The following CACNA1S variants were observed in gnomAD, a reference collection of about 807,000 sequenced individuals.
The protein encoded by CACNA1S is voltage-dependent L-type calcium channel subunit alpha-1S.
Under a neutral mutation model 207.4 loss-of-function variants are expected in CACNA1S, and 126 were observed. The observed-to-expected ratio is 0.61, with a 90% CI of 0.53 to 0.70. The LOEUF (loss-of-function observed/expected upper bound fraction) is 0.70, where lower values mean the gene tolerates loss of function less well. CACNA1S is among the 30% of genes least tolerant of loss of function. CACNA1S has a pLI of 0.00. For missense variants in CACNA1S, 2,349 were observed against 2,422.8 expected (o/e 0.97, Z 0.64); for synonymous variants, 960 against 932.7 (o/e 1.03, Z -0.53).
chr1:201,052,773 C>A, intron 31 of CACNA1S, 125 bp from the exon 32 acceptor site: 2 of 794,038 alleles, frequency 2.5e-6, no homozygotes, highest in Non-Finnish European at 4.4e-6. Context: ...CCCTTCATTG[C>A]GGGCCACATC....
chr1:201,102,955 A>G (rs1425201963), intron 2 of CACNA1S, among the ~76,000 whole-genome samples: 2 of 152,186 alleles, frequency 1.3e-5, no homozygotes, highest in African/African-American at 4.8e-5. Context: ...GAAGGGAATG[A>G]ACATTTATTG....
intron 10 of CACNA1S, among the ~76,000 whole-genome samples, chr1:201,078,677 A>G (rs533597175): frequency 6.6e-6 from 1 of 152,212 alleles, no homozygotes; most frequent in South Asian, 2.1e-4. Context: ...CCCTCCTGGT[A>G]GAGAAGGGTC....
chr1:201,110,618 A>C (rs144528856), intron 1 of CACNA1S, among the ~76,000 whole-genome samples: 2 of 152,216 alleles, frequency 1.3e-5, no homozygotes, highest in East Asian at 1.9e-4. Context: ...CCTGCTCCCA[A>C]GGAGCCATGA....
rs1419080554 is a variant in CACNA1S at position 201,084,954 on chromosome 1, A to G, written c.1228T>C (p.Phe410Leu). The change falls in exon 9 of 44, where the codon TTC becomes CTC. Residue 410 changes from phenylalanine to leucine, a missense_variant. Transcript: ENST00000362061. ...EIAGLNKIIQ[F>L]IRHWRQWNRI... is the part of the protein sequence containing the mutation. ...GGGCAGTGGGCAGATACTCACATGAACTGGATGATTTTGTTCAAGCCTGCA... is the reference window on the plus strand; with the variant it reads ...GGGCAGTGGGCAGATACTCACATGAGCTGGATGATTTTGTTCAAGCCTGCA... 1.9e-6 allele frequency: 3 copies of G among 1,611,220 alleles called. No homozygotes were observed. Among genetic ancestry groups the G allele is most frequent in the Admixed American group, 3.3e-5 (2 of 60,024 alleles).
chr1:201,052,519 T>C (rs758222023), intron 32 of CACNA1S, 38 bp downstream of exon 32: 1 of 1,506,472 alleles, frequency 6.6e-7, no homozygotes, highest in South Asian at 1.1e-5. Flanking sequence ...GCTGGACTGG[T>C]CAGCGGGGTA....
intron 40 of CACNA1S, chr1:201,041,801 C>T: frequency 1.6e-6 from 1 of 630,016 alleles, no homozygotes; most frequent in Non-Finnish European, 2.9e-6. Context: ...CCTGACTCCA[C>T]TCCTTTGCTC....
chr1:201,057,505 A>G (rs987660998), intron 28 of CACNA1S, among the ~76,000 whole-genome samples: 1 of 152,186 alleles, frequency 6.6e-6, no homozygotes, highest in African/African-American at 2.4e-5. Context: ...TTTGTTCCAC[A>G]ATTTTGTTCA....
At position 201,062,580 on chromosome 1, in the gene CACNA1S, G is replaced by T. The variant is rs966997855; in HGVS notation, c.2854-66C>A. The T allele has an allele frequency of 4.1e-6, 6 of 1,476,518 alleles. No homozygotes were observed. In the Admixed American group the frequency reaches 8.5e-5, roughly 21 times the overall value. The allele number at this position is 1,476,518 out of a possible 1,614,324, so 91.5% of individuals were successfully genotyped here. The stretch of plus-strand genomic sequence containing the variant: ...TCATGGAAACAGGATAGAAAAGTGG[G>T]CTCTGGGAGTGAACAGTGGAAGGGG... On this transcript the variant is annotated intron_variant, in intron 22 of 43. Coordinates refer to ENST00000362061, the MANE Select transcript of CACNA1S (RefSeq NM_000069.3).
chr1:201,103,071 C>G (rs953880258), intron 2 of CACNA1S, among the ~76,000 whole-genome samples: 1 of 152,018 alleles, frequency 6.6e-6, no homozygotes, highest in Non-Finnish European at 1.5e-5. Flanking sequence ...TGGTGAAACC[C>G]TGTCTCTACT....
rs3818873 is a variant in CACNA1S at position 201,054,308 on chromosome 1, C to T, written c.3666+197G>A. Among the ~76,000 whole-genome samples, 80,966 of 152,076 alleles carry T rather than the reference C, an allele frequency of 0.53. 22,827 individuals are homozygous for T. The highest frequency in any genetic ancestry group is 0.86 in the East Asian group (4,404 of 5,142). ...ATCTCCCAGGGCTCTGAGGAAGCCG[C>T]TATATCCATGCACACTTGACTGCAG... On this transcript the variant is annotated intron_variant, in intron 29 of 43. Transcript: ENST00000362061.
At position 201,108,438 on chromosome 1, in the gene CACNA1S, G is replaced by T. The variant is rs139184412; in HGVS notation, c.258+1726C>A. On this transcript the variant is annotated intron_variant, in intron 2 of 43. Coordinates refer to ENST00000362061, the MANE Select transcript of CACNA1S (RefSeq NM_000069.3). ...TTAATATCCTCCAAGGTGGGGCAGA[G>T]TTTTTTTACAAAAGTAGTCAATGTC... Among the ~76,000 whole-genome samples, 124 of 152,224 alleles carry T rather than the reference G, an allele frequency of 8.1e-4. 1 individual carries two copies. The East Asian group carries it at 0.022, about 27-fold the overall frequency.
chr1:201,072,612 A>G (rs1193282179), intron 16 of CACNA1S, 143 bp downstream of exon 16: 2 of 738,352 alleles, frequency 2.7e-6, no homozygotes, highest in East Asian at 5.0e-5. Context: ...TTTGCACAGA[A>G]GGGATGTCTC....
At position 201,053,607 on chromosome 1, in the gene CACNA1S, G is replaced by A; in HGVS notation, c.3667-20C>T. 6.2e-7 allele frequency: 1 copy of A among 1,612,654 alleles called. No individual in the cohort carries two copies. Among genetic ancestry groups the A allele is most frequent in the Non-Finnish European group, 8.5e-7 (1 of 1,179,270 alleles). The stretch of plus-strand genomic sequence containing the variant: ...TGGGTCCTGCGGGGCAGCAGCCCCA[G>A]AGGTCAGTCTGGGGGCAGAACCTCA... On this transcript the variant is annotated intron_variant, in intron 29 of 43. Coordinates refer to ENST00000362061, the MANE Select transcript of CACNA1S (RefSeq NM_000069.3). This position sits in a 1 kb window ranked among gnomAD's most constrained non-coding sequence, Gnocchi z 5.1.
rs555878084 is a variant in CACNA1S at position 201,044,563 on chromosome 1, T to C, written c.4669-107A>G. On this transcript the variant is annotated intron_variant, in intron 38 of 43. Coordinates refer to ENST00000362061, the MANE Select transcript of CACNA1S (RefSeq NM_000069.3). Reference sequence around the variant, plus strand: ...TCTCACTCTGTTGCCCAGGCTGGAGTGCAGTGGCACAATCTGAGCTCACTG... The same window carrying C: ...TCTCACTCTGTTGCCCAGGCTGGAGCGCAGTGGCACAATCTGAGCTCACTG... 3.4e-4 allele frequency: 455 copies of C among 1,330,326 alleles called. 4 individuals carry two copies. The highest frequency in any genetic ancestry group is 2.7e-3 in the African/African-American group (185 of 69,068). The allele number at this position is 1,330,326 out of a possible 1,614,324, so 82.4% of individuals were successfully genotyped here. A position where few individuals can be genotyped will look rare whatever the true frequency, so the allele number is the denominator to read the frequency against.
chr1:201,059,346 C>G lies in CACNA1S; in HGVS notation c.3415-47G>C, dbSNP rs370063138. The G allele has an allele frequency of 3.9e-6, 5 of 1,283,232 alleles. No individual in the cohort carries two copies. In the African/African-American group the frequency reaches 7.3e-5, roughly 19 times the overall value. 79.5% of individuals were successfully genotyped at this position (1,283,232 alleles called of 1,614,324 possible). A position where few individuals can be genotyped will look rare whatever the true frequency, so the allele number is the denominator to read the frequency against. ...AGTGGGTCAGGGGGGCCGGGTTTGC[C>G]CACCCTGTAGATTGCATTCCCAGAG... On this transcript the variant is annotated intron_variant, in intron 26 of 43. Coordinates refer to ENST00000362061, the MANE Select transcript of CACNA1S (RefSeq NM_000069.3).
intron 22 of CACNA1S, among the ~76,000 whole-genome samples, chr1:201,063,726 C>A (rs1358258550): frequency 6.6e-6 from 1 of 152,176 alleles, no homozygotes. Context: ...CCCTTGCCCC[C>A]CGCTGCCCCT....
Position 201,050,516 on chromosome 1 carries a change from C to T in CACNA1S, c.4114G>A (p.Val1372Ile). The T allele has an allele frequency of 1.2e-6, 2 of 1,613,962 alleles. No individual in the cohort carries two copies. The highest frequency in any genetic ancestry group is 1.1e-5 in the South Asian group (1 of 91,076). ...ISFYMLCAFL[V>I]INLFVAVIMD... Reference sequence around the variant, plus strand: ...ATGACAGCCACAAAGAGGTTGATGACCTGCAAGAGAAGAACCAAGGGGTCC... The same window carrying T: ...ATGACAGCCACAAAGAGGTTGATGATCTGCAAGAGAAGAACCAAGGGGTCC... Residue 1372 changes from valine to isoleucine, a missense_variant and splice_region_variant, in exon 34 of 44, where the codon GTC (valine) becomes ATC (isoleucine). Physicochemically the swap from Val to Ile is conservative, Grantham distance 29 (BLOSUM62 3). Coordinates refer to ENST00000362061, the MANE Select transcript of CACNA1S (RefSeq NM_000069.3).
In CACNA1S at chr1:201,112,217, C is replaced by T; in HGVS notation, c.123G>A (p.Arg41=). 6.2e-7 allele frequency: 1 copy of T among 1,613,978 alleles called. No individual in the cohort carries two copies. Among genetic ancestry groups the T allele is most frequent in the Non-Finnish European group, 8.5e-7 (1 of 1,179,954 alleles). The part of the protein sequence containing the change: ...LFCLTLENPL[R]KACISIVEWK... ...ATTCTACAATGCTGATGCAGGCCTT[C>T]CTCAGGGGGTTCTCCAGGGTCAGGC... The change falls in exon 1 of 44, where the codon AGG becomes AGA. Residue 41 remains arginine, a synonymous_variant. Transcript: ENST00000362061.
At chr1:201,087,028 T>A (rs1038770154) in intron 7 of CACNA1S, among the ~76,000 whole-genome samples, 1 of 152,216 alleles carries the variant, frequency 6.6e-6, no homozygotes, top group African/African-American at 2.4e-5. Context: ...AGGAAGCTTC[T>A]GGAATGGGAT....
Sources: gnomAD v4.1 joint callset for allele counts (sites outside exome capture counted in the v4.1 genomes callset) on GRCh38, gnomAD v4.1.1 for gene constraint, Gnocchi (gnomAD v3.1) non-coding constraint, MANE v1.5 for transcripts, NCBI Gene and HGNC (gene_info 2026-07-23, HGNC 2026-07-21) for gene names.